Variants in KLHL1 observed in about 807,000 individuals in gnomAD.
KLHL1 encodes kelch like family member 1, also known as kelch-like protein 1.
KLHL1 carries 47 observed loss-of-function variants against 77.7 expected under a neutral mutation model. That is an observed-to-expected ratio of 0.60 (90% CI 0.48 to 0.77). The LOEUF (loss-of-function observed/expected upper bound fraction) is 0.77. Among genes scored for constraint, KLHL1 ranks in the 30% least tolerant of loss-of-function variants. KLHL1 has a pLI of 0.00. For missense variants in KLHL1, 925 were observed against 910.8 expected, an observed-to-expected ratio of 1.02 and a Z score of -0.20; for synonymous variants, 360 against 325.2, an observed-to-expected ratio of 1.11 and a Z score of -1.15.
chr13:69,977,338 A>G (rs976213889), intron 1 of KLHL1, among the ~76,000 whole-genome samples: 1 of 152,116 alleles, frequency 6.6e-6, no homozygotes, highest in Non-Finnish European at 1.5e-5. Context: ...TTCAAGTCAT[A>G]TGAAAAAAAT....
chr13:70,065,261 A>C (rs1886978896), intron 1 of KLHL1, among the ~76,000 whole-genome samples: 1 of 152,184 alleles, frequency 6.6e-6, no homozygotes, highest in African/African-American at 2.4e-5. Context: ...CTAAAAATTG[A>C]CCATACTTTT....
At chr13:70,097,190 G>T (rs1020006118) in intron 1 of KLHL1, among the ~76,000 whole-genome samples, 1 of 151,930 alleles carries the variant, frequency 6.6e-6, no homozygotes, top group Non-Finnish European at 1.5e-5. Context: ...ATTCCATTTT[G>T]AGAGTTGGCA....
At chr13:69,801,426 T>TTA (rs1196924241) in intron 6 of KLHL1, among the ~76,000 whole-genome samples, 8 of 152,184 alleles carry the variant, frequency 5.3e-5, no homozygotes, top group African/African-American at 1.9e-4. Context: ...TTAGGAGTGG[T>TTA]TATATCCACA....
At chr13:69,751,514 G>A (rs560632216) in intron 7 of KLHL1, among the ~76,000 whole-genome samples, 177 of 152,140 alleles carry the variant, frequency 1.2e-3, no homozygotes, top group Middle Eastern at 3.4e-3. Context: ...GGAATTCTTG[G>A]CAGAAGAAAC....
chr13:70,083,763 C>T (rs1887450882), intron 1 of KLHL1, among the ~76,000 whole-genome samples: 1 of 151,988 alleles, frequency 6.6e-6, no homozygotes, highest in African/African-American at 2.4e-5. Flanking sequence ...ACTAACTACT[C>T]CACTTACAAA....
At chr13:69,804,298 A>AT (rs62962260) in intron 6 of KLHL1, among the ~76,000 whole-genome samples, 2 of 82,828 alleles carry the variant, frequency 2.4e-5, no homozygotes, top group African/African-American at 4.5e-5. Context: ...GACAAATATA[A>AT]TTTTTTTGTG....
intron 6 of KLHL1, 51 bp downstream of exon 6, chr13:69,838,925 C>T: frequency 1.6e-6 from 2 of 1,232,746 alleles, no homozygotes; most frequent in Non-Finnish European, 2.2e-6. Context: ...ATAAAAGCTG[C>T]AACACGGTAT....
intron 1 of KLHL1, among the ~76,000 whole-genome samples, chr13:69,993,029 A>T (rs1016689457): frequency 6.6e-6 from 1 of 152,084 alleles, no homozygotes; most frequent in African/African-American, 2.4e-5. Flanking sequence ...TGCCATAAGC[A>T]GGCCTAATCA....
At chr13:70,094,048 T>C (rs1887731915) in intron 1 of KLHL1, among the ~76,000 whole-genome samples, 2 of 152,164 alleles carry the variant, frequency 1.3e-5, no homozygotes, top group South Asian at 4.1e-4. Context: ...AAACTAAGAT[T>C]GCTTTAACTT....
chr13:69,731,275 C>A (rs761751717), intron 8 of KLHL1, among the ~76,000 whole-genome samples: 1 of 152,088 alleles, frequency 6.6e-6, no homozygotes, highest in Non-Finnish European at 1.5e-5. Context: ...CAGAAGGTAA[C>A]TACTTCATAT....
At chr13:70,062,402 T>G (rs1199867826) in intron 1 of KLHL1, among the ~76,000 whole-genome samples, 1 of 152,186 alleles carries the variant, frequency 6.6e-6, no homozygotes, top group African/African-American at 2.4e-5. Context: ...AGTAAATTAT[T>G]TATGGTGCAT....
Position 70,027,649 on chromosome 13 carries a change from G to GTTTTTTTTTTTTTTTTTTTTTT in KLHL1, c.498-51848_498-51847insAAAAAAAAAAAAAAAAAAAAAA, listed in dbSNP as rs1185282462. ...GGCATTTTTGAAGCGCAAAATGTAA[G>GTTTTTTTTTTTTTTTTTTTTTT]TTGTTTTTTTTTTTTTATGAACTGA... On this transcript the variant is annotated intron_variant, in intron 1 of 10. Coordinates refer to ENST00000377844, the MANE Select transcript of KLHL1 (RefSeq NM_020866.3). Among the ~76,000 whole-genome samples the GTTTTTTTTTTTTTTTTTTTTTT allele has an allele frequency of 5.5e-5, 6 of 109,336 alleles. 1 individual carries two copies. Among genetic ancestry groups the GTTTTTTTTTTTTTTTTTTTTTT allele is most frequent in the Non-Finnish European group, 7.0e-5 (4 of 57,058 alleles). 71.7% of individuals were successfully genotyped at this position (109,336 alleles called of 152,430 possible).
chr13:70,082,311 T>TCACACACA (rs4053611), intron 1 of KLHL1, among the ~76,000 whole-genome samples: 81 of 111,020 alleles, frequency 7.3e-4, no homozygotes, highest in South Asian at 3.2e-3. Context: ...CTTGGACCTG[T>TCACACACA]CACACACACA....
chr13:70,033,352 C>T (rs574972100), intron 1 of KLHL1, among the ~76,000 whole-genome samples: 11 of 152,160 alleles, frequency 7.2e-5, no homozygotes, highest in South Asian at 2.1e-4. Flanking sequence ...GGCAGTGGCG[C>T]GCTCTCGGCT....
At position 69,882,401 on chromosome 13, in the gene KLHL1, G is replaced by C. The variant is rs754776315; in HGVS notation, c.1109C>G (p.Pro370Arg). 9.3e-6 allele frequency: 15 copies of C among 1,613,476 alleles called. No homozygotes were observed. Among genetic ancestry groups the C allele is most frequent in the Non-Finnish European group, 2.5e-6 (3 of 1,179,612 alleles). ...TGCATGGAAGATGGTTTCTTCATCA[G>C]GAACATTGACATCATCACTGGCCAG... is the stretch of plus-strand genomic sequence containing the variant. Reference protein sequence around the residue: ...KLLASDDVNVPDEETIFHALM... With the variant: ...KLLASDDVNVRDEETIFHALM... The change falls in exon 5 of 11, where the codon CCT becomes CGT. Residue 370 changes from proline to arginine, a missense_variant. Coordinates refer to ENST00000377844, the MANE Select transcript of KLHL1 (RefSeq NM_020866.3).
chr13:69,922,244 C>T (rs566849324), intron 4 of KLHL1, among the ~76,000 whole-genome samples: 1 of 151,882 alleles, frequency 6.6e-6, no homozygotes, highest in Admixed American at 6.5e-5. Context: ...GTCACACTGG[C>T]CTAGGAAGTT....
intron 1 of KLHL1, among the ~76,000 whole-genome samples, chr13:69,986,784 G>A (rs1884882710): frequency 6.6e-6 from 1 of 151,740 alleles, no homozygotes; most frequent in Admixed American, 6.6e-5. Context: ...GGAAATCAAA[G>A]GAAAAGAAAT....
intron 6 of KLHL1, among the ~76,000 whole-genome samples, chr13:69,811,996 G>C (rs1442282767): frequency 6.6e-6 from 1 of 152,030 alleles, no homozygotes; most frequent in African/African-American, 2.4e-5. Context: ...TGTGATGTTA[G>C]GGTGTCAATC....
intron 1 of KLHL1, among the ~76,000 whole-genome samples, chr13:69,978,688 T>A (rs1413508360): frequency 6.6e-6 from 1 of 151,988 alleles, no homozygotes; most frequent in South Asian, 2.1e-4. Context: ...GGTTTCACCA[T>A]GTTTGTCAGG....
Sources: allele counts gnomAD v4.1 joint callset (sites outside exome capture counted in the v4.1 genomes callset), GRCh38; gene constraint gnomAD v4.1.1; transcripts MANE v1.5; gene names NCBI Gene and HGNC (gene_info 2026-07-23, HGNC 2026-07-21).